Variants in SLC44A1 observed in about 807,000 individuals in gnomAD.
SLC44A1 encodes the protein solute carrier family 44 member 1, also known as choline transporter-like protein 1.
A neutral mutation model predicts 79.3 loss-of-function variants in SLC44A1; 26 were observed. That is an observed-to-expected ratio of 0.33 (90% confidence interval 0.24 to 0.46). The LOEUF (loss-of-function observed/expected upper bound fraction) is 0.46, where lower values mean the gene tolerates loss of function less well. Among genes scored for constraint, SLC44A1 ranks in the 20% least tolerant of loss-of-function variants. The pLI is 1.00. For missense variants in SLC44A1, 688 were observed against 798.1 expected (o/e 0.86, Z 1.66); for synonymous variants, 263 against 286.2 (o/e 0.92, Z 0.82).
intron 1 of SLC44A1, among the ~76,000 whole-genome samples, chr9:105,288,627 G>A (rs1830531248): frequency 2.0e-5 from 3 of 152,310 alleles, no homozygotes; most frequent in South Asian, 4.1e-4. Flanking sequence ...AGGACTACAG[G>A]CATGAGCCAC....
chr9:105,325,475 G>T (rs1826544261), intron 3 of SLC44A1, among the ~76,000 whole-genome samples: 1 of 152,198 alleles, frequency 6.6e-6, no homozygotes, highest in South Asian at 2.1e-4. Context: ...CCAAGATGGA[G>T]GTTCTACATC....
rs1255029960 is a variant in SLC44A1, at chr9:105,358,409, A to G, written c.736A>G (p.Ile246Val). 1.3e-6 allele frequency: 2 copies of G among 1,594,332 alleles called. No individual in the cohort carries two copies. Among genetic ancestry groups the G allele is most frequent in the Non-Finnish European group, 1.7e-6 (2 of 1,162,942 alleles). ...AAGAGTACTTGTGTGGATCTTAACG[A>G]TTCTGGTCATACTCGGTTCACTTGG... is the stretch of plus-strand genomic sequence containing the variant. ...ISRVLVWILT[I>V]LVILGSLGGT... is the part of the protein sequence containing the mutation. The change falls in exon 7 of 16, where the codon ATT (isoleucine) becomes GTT (valine). Residue 246 changes from isoleucine to valine, a missense_variant. Ile to Val is a conservative substitution (Grantham distance 29). Transcript: ENST00000374720.
chr9:105,251,186 C>G (rs1430728374), intron 1 of SLC44A1, among the ~76,000 whole-genome samples: 1 of 152,146 alleles, frequency 6.6e-6, no homozygotes, highest in East Asian at 1.9e-4. Flanking sequence ...TAAATCTGTC[C>G]TCAAAATCGT....
intron 1 of SLC44A1, among the ~76,000 whole-genome samples, chr9:105,254,196 TG>T (rs896457068): frequency 2.6e-5 from 4 of 152,324 alleles, no homozygotes; most frequent in African/African-American, 9.6e-5. Flanking sequence ...GTTCTCTCCT[TG>T]TTTCTTTTTT....
chr9:105,395,331 G>T lies in SLC44A1; in HGVS notation c.*6275G>T. 2.5e-6 allele frequency: 1 copy of T among 406,738 alleles called. No individual in the cohort carries two copies. The highest frequency in any genetic ancestry group is 3.3e-6 in the Non-Finnish European group (1 of 301,132). 25.2% of individuals were successfully genotyped at this position (406,738 alleles called of 1,614,324 possible). A position where few individuals can be genotyped will look rare whatever the true frequency, so the allele number is the denominator to read the frequency against. ...CCTCCCAGGTTCAAGTGATTCTCCT[G>T]CATCAGCCTCCTGAGTAGCTGGGAC... is the stretch of plus-strand genomic sequence containing the variant. On this transcript the variant is annotated 3_prime_UTR_variant, in exon 16 of 16. Coordinates refer to ENST00000374720, the MANE Select transcript of SLC44A1 (RefSeq NM_080546.5).
intron 1 of SLC44A1, among the ~76,000 whole-genome samples, chr9:105,269,145 T>A (rs2087520188): frequency 6.6e-6 from 1 of 152,216 alleles, no homozygotes; most frequent in African/African-American, 2.4e-5. Flanking sequence ...TTAATATTAA[T>A]AAATTTATGT....
intron 1 of SLC44A1, 30 bp downstream of exon 1, chr9:105,244,934 C>A: frequency 8.7e-7 from 1 of 1,153,610 alleles, no homozygotes; most frequent in South Asian, 4.3e-5. Flanking sequence ...CGGCCGCCCG[C>A]CCGGATGCCT....
At chr9:105,342,168 T>G (rs920462207) in intron 4 of SLC44A1, among the ~76,000 whole-genome samples, 12 of 152,236 alleles carry the variant, frequency 7.9e-5, no homozygotes, top group African/African-American at 2.7e-4. Flanking sequence ...TCAATTTCAG[T>G]TATCCATGGT....
intron 13 of SLC44A1, among the ~76,000 whole-genome samples, chr9:105,376,359 C>T (rs1057140143): frequency 3.2e-4 from 47 of 145,406 alleles, no homozygotes; most frequent in Non-Finnish European, 4.8e-4. Context: ...ACTACACACA[C>T]ACACTACACA....
At chr9:105,398,315 T>C (rs1218016844), downstream of SLC44A1, among the ~76,000 whole-genome samples, 1 of 152,216 alleles carries the variant, frequency 6.6e-6, no homozygotes, top group East Asian at 1.9e-4. Flanking sequence ...TTAGCAAATG[T>C]GAGCTGATGA....
chr9:105,252,416 T>C (rs1829610251), intron 1 of SLC44A1, among the ~76,000 whole-genome samples: 1 of 152,208 alleles, frequency 6.6e-6, no homozygotes, highest in Non-Finnish European at 1.5e-5. Context: ...AACTCCTACC[T>C]TAGAACACTG....
chr9:105,389,527 G>A lies in SLC44A1; in HGVS notation c.*471G>A, dbSNP rs1828710987. 2.8e-6 allele frequency: 3 copies of A among 1,062,688 alleles called. No homozygotes were observed. The East Asian group carries it at 2.1e-4, about 76-fold the overall frequency. 65.8% of individuals were successfully genotyped at this position (1,062,688 alleles called of 1,614,324 possible). On this transcript the variant is annotated 3_prime_UTR_variant, in exon 16 of 16. Coordinates refer to ENST00000374720, the MANE Select transcript of SLC44A1 (RefSeq NM_080546.5). ...ATAAGTCCTAGTGGGTCAAGACTAG[G>A]CATATGCTTTCAGATAAATAAGGAA...
intron 8 of SLC44A1, among the ~76,000 whole-genome samples, chr9:105,362,011 G>T (rs1400379350): frequency 6.6e-6 from 1 of 152,162 alleles, no homozygotes; most frequent in Non-Finnish European, 1.5e-5. Context: ...AGGCAACTGA[G>T]TGAGACCTTG....
At chr9:105,330,188 TTGTC>T (rs777315373) in intron 3 of SLC44A1, among the ~76,000 whole-genome samples, 8 of 152,154 alleles carry the variant, frequency 5.3e-5, no homozygotes, top group Admixed American at 3.3e-4. Flanking sequence ...AGGTAGGGCT[TTGTC>T]TGTCAGGGAT....
rs41296093 is a variant in SLC44A1, at chr9:105,393,796, G to A, written c.*4740G>A. The A allele has an allele frequency of 0.066, 64,704 of 984,854 alleles. 2,325 individuals are homozygous for A. The highest frequency in any genetic ancestry group is 0.081 in the South Asian group (1,730 of 21,268). The allele number at this position is 984,854 out of a possible 1,614,324, so 61.0% of individuals were successfully genotyped here. A position where few individuals can be genotyped will look rare whatever the true frequency, so the allele number is the denominator to read the frequency against. Reference sequence around the variant, plus strand: ...ATGTGAGATTGTTCGAGACCTATTAGGCTATTCTTCAGTTTTGATGCTCAG... The same window carrying A: ...ATGTGAGATTGTTCGAGACCTATTAAGCTATTCTTCAGTTTTGATGCTCAG... On this transcript the variant is annotated 3_prime_UTR_variant, in exon 16 of 16. Coordinates refer to ENST00000374720, the MANE Select transcript of SLC44A1 (RefSeq NM_080546.5).
chr9:105,253,177 T>C (rs1466113462), intron 1 of SLC44A1, among the ~76,000 whole-genome samples: 2 of 152,204 alleles, frequency 1.3e-5, no homozygotes, highest in Non-Finnish European at 2.9e-5. Flanking sequence ...AAAGCAACTT[T>C]TATTCAAATT....
At chr9:105,257,376 G>C (rs1372701609) in intron 1 of SLC44A1, among the ~76,000 whole-genome samples, 1 of 151,984 alleles carries the variant, frequency 6.6e-6, no homozygotes, top group African/African-American at 2.4e-5. Context: ...GATTACAGGC[G>C]TGAGCCACTG....
chr9:105,363,950 G>A (rs1234457035), intron 9 of SLC44A1, among the ~76,000 whole-genome samples: 1 of 152,136 alleles, frequency 6.6e-6, no homozygotes, highest in Non-Finnish European at 1.5e-5. Context: ...CAAATCCCAG[G>A]TATAGCCAAG....
intron 15 of SLC44A1, among the ~76,000 whole-genome samples, chr9:105,425,188 G>A (rs551346220): frequency 5.3e-5 from 8 of 151,994 alleles, no homozygotes; most frequent in South Asian, 2.1e-4. Context: ...AATACCCATC[G>A]AACACACTAT....
Sources: gnomAD v4.1 joint callset for allele counts (sites outside exome capture counted in the v4.1 genomes callset) on GRCh38, gnomAD v4.1.1 for gene constraint, MANE v1.5 for transcripts, NCBI Gene and HGNC (gene_info 2026-07-23, HGNC 2026-07-21) for gene names.